The following CTNNA2 variants were observed in gnomAD, a reference collection of about 807,000 sequenced individuals.
The protein encoded by CTNNA2 is catenin alpha-2.
Under a neutral mutation model 101.0 loss-of-function variants are expected in CTNNA2, and 42 were observed. The ratio of observed to expected loss-of-function variants is 0.42; its 90% CI spans 0.32 to 0.54. CTNNA2 has a LOEUF of 0.54. Ranked by LOEUF, CTNNA2 falls within the 20% of genes least tolerant of loss-of-function variation. CTNNA2 has a pLI of 0.14. For synonymous variants in CTNNA2, 450 were observed against 456.4 expected, an observed-to-expected ratio of 0.99 and a Z score of 0.18; for missense variants, 871 against 1,223.1, an observed-to-expected ratio of 0.71 and a Z score of 4.29.
chr2:79,430,245 T>C (rs551224633), intron 4 of CTNNA2, among the ~76,000 whole-genome samples: 1 of 152,250 alleles, frequency 6.6e-6, no homozygotes, highest in South Asian at 2.1e-4. Flanking sequence ...CCAAATGTTC[T>C]TGCTTCAAAG....
At chr2:80,309,977 T>C (rs1471570180) in intron 7 of CTNNA2, among the ~76,000 whole-genome samples, 1 of 151,980 alleles carries the variant, frequency 6.6e-6, no homozygotes, top group Non-Finnish European at 1.5e-5. Context: ...CCACAAACCT[T>C]GGAGCTTATT....
chr2:80,148,056 A>AT (rs1211006332), intron 7 of CTNNA2, among the ~76,000 whole-genome samples: 2 of 152,122 alleles, frequency 1.3e-5, no homozygotes, highest in Non-Finnish European at 2.9e-5. Context: ...AAGGATTTGA[A>AT]TTTTTTTGGT....
chr2:79,332,323 G>T (rs1306200696), intron 3 of CTNNA2, among the ~76,000 whole-genome samples: 1 of 151,118 alleles, frequency 6.6e-6, no homozygotes, highest in Non-Finnish European at 1.5e-5. Context: ...AAAGACGATG[G>T]CCAACACTTC....
At chr2:79,598,025 A>T (rs1677312403) in intron 1 of CTNNA2, among the ~76,000 whole-genome samples, 2 of 152,232 alleles carry the variant, frequency 1.3e-5, no homozygotes, top group African/African-American at 4.8e-5. Flanking sequence ...AATCGTATGG[A>T]ATGTCATACA....
At chr2:79,407,216 T>C (rs1202839997) in intron 4 of CTNNA2, among the ~76,000 whole-genome samples, 1 of 152,052 alleles carries the variant, frequency 6.6e-6, no homozygotes, top group South Asian at 2.1e-4. Context: ...TTGCCAACTT[T>C]GCAAAACTGC....
intron 6 of CTNNA2, among the ~76,000 whole-genome samples, chr2:79,886,540 A>C (rs1043563697): frequency 2.0e-4 from 30 of 151,706 alleles, no homozygotes; most frequent in Admixed American, 3.9e-4. Flanking sequence ...TCACGAGGTC[A>C]GGAGATCAAG....
chr2:79,690,781 A>G (rs1684241855), intron 2 of CTNNA2, among the ~76,000 whole-genome samples: 1 of 151,982 alleles, frequency 6.6e-6, no homozygotes, highest in South Asian at 2.1e-4. Context: ...ATGAACCTGC[A>G]TTTTATATCA....
intron 3 of CTNNA2, among the ~76,000 whole-genome samples, chr2:79,815,786 T>A (rs184995260): frequency 6.6e-6 from 1 of 151,946 alleles, no homozygotes; most frequent in Admixed American, 6.6e-5. Flanking sequence ...TTTTTTCTAA[T>A]TCTGGGAAGA....
intron 7 of CTNNA2, among the ~76,000 whole-genome samples, chr2:80,157,439 A>G (rs571533332): frequency 6.6e-6 from 1 of 152,218 alleles, no homozygotes; most frequent in East Asian, 1.9e-4. Context: ...GGCCTTTAAC[A>G]TGAGTGCACG....
chr2:80,009,753 A>AGTGTGT (rs1558724855), intron 7 of CTNNA2, among the ~76,000 whole-genome samples: 1 of 144,204 alleles, frequency 6.9e-6, no homozygotes, highest in Admixed American at 6.8e-5. Context: ...TGTGTGTGTC[A>AGTGTGT]GAGAGAGAGA....
At chr2:79,523,221 G>A (rs1466942786) in intron 1 of CTNNA2, 1 of 442,202 alleles carries the variant, frequency 2.3e-6, no homozygotes, top group Non-Finnish European at 4.5e-6. Context: ...AAATGTCTGG[G>A]TTGATCTGCC....
intron 7 of CTNNA2, among the ~76,000 whole-genome samples, chr2:80,239,870 C>A (rs932240459): frequency 6.6e-6 from 1 of 151,822 alleles, no homozygotes; most frequent in African/African-American, 2.4e-5. Context: ...CGAGATCGCT[C>A]CATTGCACTC....
rs77134491 is a variant in CTNNA2 at position 80,088,995 on chromosome 2, A to G, written c.1056+179198A>G. On this transcript the variant is annotated intron_variant, in intron 7 of 18. Transcript: ENST00000402739. ...GTGTGATCAGTGGAGGGGAAAATAA[A>G]CCCATTTCACTGTGTTTAGCTCAGT... Among the ~76,000 whole-genome samples the G allele has an allele frequency of 3.7e-3, 567 of 151,954 alleles. 2 individuals are homozygous for G. The highest frequency in any genetic ancestry group is 0.013 in the African/African-American group (541 of 41,448).
intron 1 of CTNNA2, among the ~76,000 whole-genome samples, chr2:79,565,999 AAGG>A (rs1291782121): frequency 1.3e-5 from 2 of 152,142 alleles, no homozygotes; most frequent in African/African-American, 4.8e-5. Context: ...AGACAAAATG[AAGG>A]AGTAGCCACA....
At chr2:79,491,184 A>C (rs1270899246) in intron 4 of CTNNA2, among the ~76,000 whole-genome samples, 1 of 152,124 alleles carries the variant, frequency 6.6e-6, no homozygotes, top group Admixed American at 6.6e-5. Context: ...ATTGTTTTAC[A>C]CTTTTATTCC....
chr2:80,642,544 G>A (rs921499311), intron 18 of CTNNA2, among the ~76,000 whole-genome samples: 33 of 151,466 alleles, frequency 2.2e-4, no homozygotes, highest in African/African-American at 8.0e-4. Context: ...GGGATAGACT[G>A]GAGGATAAAA....
intron 4 of CTNNA2, among the ~76,000 whole-genome samples, chr2:79,374,863 C>G (rs909234327): frequency 6.6e-6 from 1 of 152,100 alleles, no homozygotes; most frequent in Non-Finnish European, 1.5e-5. Flanking sequence ...GAGATTCATT[C>G]CATTCCAATT....
chr2:80,265,238 A>G (rs898045797), intron 7 of CTNNA2, among the ~76,000 whole-genome samples: 1 of 152,138 alleles, frequency 6.6e-6, no homozygotes, highest in Admixed American at 6.5e-5. Flanking sequence ...GCCTCCTAAA[A>G]TGTTGGAATT....
At chr2:79,279,325 T>C (rs1675299481) in intron 2 of CTNNA2, among the ~76,000 whole-genome samples, 1 of 152,032 alleles carries the variant, frequency 6.6e-6, no homozygotes, top group African/African-American at 2.4e-5. Flanking sequence ...TGTTGCCCAG[T>C]GGGATTGGAA....
Sources: gnomAD v4.1 joint callset for allele counts (sites outside exome capture counted in the v4.1 genomes callset) on GRCh38, gnomAD v4.1.1 for gene constraint, MANE v1.5 for transcripts, NCBI Gene and HGNC (gene_info 2026-07-23, HGNC 2026-07-21) for gene names.